Variants in CCDC85A observed in about 807,000 individuals in gnomAD.
CCDC85A encodes coiled-coil domain containing 85A, also known as coiled-coil domain-containing protein 85A.
CCDC85A carries 38 observed loss-of-function variants against 50.2 expected under a neutral mutation model. That is an observed-to-expected ratio of 0.76 (90% CI 0.58 to 0.99). The LOEUF is 0.99. CCDC85A is among the 50% of genes least tolerant of loss of function. The pLI is 0.00. For missense variants in CCDC85A, 820 were observed against 742.0 expected, an observed-to-expected ratio of 1.11 and a Z score of -1.22; for synonymous variants, 366 against 301.4, an observed-to-expected ratio of 1.21 and a Z score of -2.22.
intron 2 of CCDC85A, among the ~76,000 whole-genome samples, chr2:56,332,044 G>A (rs9309277): frequency 7.0e-4 from 107 of 152,156 alleles, no homozygotes; most frequent in African/African-American, 2.3e-3. Flanking sequence ...CTCCTGCTCC[G>A]TCAGTACCCC....
In CCDC85A at chr2:56,184,289, C is replaced by A. The variant is rs1325148642; in HGVS notation, c.-336C>A. On this transcript the variant is annotated 5_prime_UTR_variant, in exon 1 of 6. Transcript: ENST00000407595. Reference sequence around the variant, plus strand: ...GGCGGAGGAGAGGGCAGGGGAACGGCGGTGCAGCTCCCCCGCTGTCCCCGA... The same window carrying A: ...GGCGGAGGAGAGGGCAGGGGAACGGAGGTGCAGCTCCCCCGCTGTCCCCGA... 4 of 707,384 alleles carry A rather than the reference C, an allele frequency of 5.7e-6. No individual in the cohort carries two copies. The highest frequency in any genetic ancestry group is 1.9e-5 in the African/African-American group (1 of 52,864). 43.8% of individuals were successfully genotyped at this position (707,384 alleles called of 1,614,324 possible).
At position 56,345,130 on chromosome 2, in the gene CCDC85A, C is replaced by G. The variant is rs1674572374; in HGVS notation, c.1317+2175C>G. On this transcript the variant is annotated intron_variant, in intron 3 of 5. Transcript: ENST00000407595. ...AAACAACTACTCAATTTAAAGTGTT[C>G]AGTTATATCCTTTGAAATACATTAC... Among the ~76,000 whole-genome samples the G allele has an allele frequency of 2.0e-5, 3 of 152,090 alleles. No individual in the cohort carries two copies. In the South Asian group the frequency reaches 6.2e-4, roughly 31 times the overall value.
At position 56,293,075 on chromosome 2, in the gene CCDC85A, A is replaced by T. The variant is rs571273439; in HGVS notation, c.1241-49804A>T. ...GCTACCCCCAGCTGGAGAAGACCAGAGTCAGAGCTCATGCCCCCTGGGTAC... is the reference window on the plus strand; with the variant it reads ...GCTACCCCCAGCTGGAGAAGACCAGTGTCAGAGCTCATGCCCCCTGGGTAC... On this transcript the variant is annotated intron_variant, in intron 2 of 5. Transcript: ENST00000407595. 1.1e-4 allele frequency among the ~76,000 whole-genome samples: 17 copies of T among 152,308 alleles called. No homozygotes were observed. The East Asian group carries it at 3.3e-3, about 29-fold the overall frequency.
intron 2 of CCDC85A, among the ~76,000 whole-genome samples, chr2:56,263,524 C>T (rs1183513886): frequency 3.3e-5 from 5 of 152,148 alleles, no homozygotes; most frequent in Admixed American, 2.0e-4. Context: ...GAATGGCCTC[C>T]TCAGTTTGCA....
chr2:56,285,576 T>A (rs2104120768), intron 2 of CCDC85A, among the ~76,000 whole-genome samples: 1 of 147,310 alleles, frequency 6.8e-6, no homozygotes, highest in African/African-American at 2.5e-5. Flanking sequence ...TATAATATAA[T>A]TAATAATATA....
At chr2:56,355,522 G>A (rs944927079) in intron 3 of CCDC85A, among the ~76,000 whole-genome samples, 1 of 151,994 alleles carries the variant, frequency 6.6e-6, no homozygotes, top group Non-Finnish European at 1.5e-5. Flanking sequence ...CCAAAATAAT[G>A]AAGCCCTCTT....
rs770275487 is a variant in CCDC85A, at chr2:56,193,226, C to T, written c.1026C>T (p.His342=). ...SGGSPEHLQK[H]ALGGSLEHLP... is the part of the protein sequence containing the mutation. The stretch of plus-strand genomic sequence containing the variant: ...GGAGCCCGGAGCATCTTCAGAAACA[C>T]GCTCTTGGGGGGAGCCTAGAGCATC... The change falls in exon 2 of 6, where the codon CAC becomes CAT. Residue 342 remains histidine, a synonymous_variant. Coordinates refer to ENST00000407595, the MANE Select transcript of CCDC85A (RefSeq NM_001080433.2). 1 of 1,613,672 alleles carries T rather than the reference C, an allele frequency of 6.2e-7. No individual in the cohort carries two copies. Among genetic ancestry groups the T allele is most frequent in the South Asian group, 1.1e-5 (1 of 91,056 alleles).
At chr2:56,227,668 A>G (rs1573057681) in intron 2 of CCDC85A, among the ~76,000 whole-genome samples, 1 of 152,118 alleles carries the variant, frequency 6.6e-6, no homozygotes, top group South Asian at 2.1e-4. Flanking sequence ...TTCTCCAGGA[A>G]GCCTTCCTGG....
At chr2:56,250,652 A>G (rs1669713308) in intron 2 of CCDC85A, among the ~76,000 whole-genome samples, 1 of 152,136 alleles carries the variant, frequency 6.6e-6, no homozygotes, top group Non-Finnish European at 1.5e-5. Context: ...GAAATGACAT[A>G]TTATAGGAAG....
rs1674745286 is a variant in CCDC85A, at chr2:56,348,554, C to T, written c.1317+5599C>T. Among the ~76,000 whole-genome samples, 3 of 152,294 alleles carry T rather than the reference C, an allele frequency of 2.0e-5. No homozygotes were observed. The South Asian group carries it at 6.2e-4, about 32-fold the overall frequency. On this transcript the variant is annotated intron_variant, in intron 3 of 5. Coordinates refer to ENST00000407595, the MANE Select transcript of CCDC85A (RefSeq NM_001080433.2). ...GGCCTTGCAATGCAGTCTTTCAGTG[C>T]CTTGGCAAGAGGCAAGGTGGTTGCC...
intron 2 of CCDC85A, among the ~76,000 whole-genome samples, chr2:56,254,947 C>A (rs1017866621): frequency 4.6e-5 from 7 of 152,208 alleles, no homozygotes. Context: ...CTTAGCATCA[C>A]AAAGGTTTGC....
chr2:56,254,586 G>T (rs944130977), intron 2 of CCDC85A, among the ~76,000 whole-genome samples: 1 of 152,162 alleles, frequency 6.6e-6, no homozygotes, highest in Non-Finnish European at 1.5e-5. Context: ...TCTAGACTGG[G>T]TTTTAATGGT....
chr2:56,331,139 T>A (rs1200311398), intron 2 of CCDC85A, among the ~76,000 whole-genome samples: 1 of 151,556 alleles, frequency 6.6e-6, no homozygotes, highest in Non-Finnish European at 1.5e-5. Flanking sequence ...GAAAGGGAAA[T>A]ACTACATGTT....
intron 2 of CCDC85A, among the ~76,000 whole-genome samples, chr2:56,236,063 G>T (rs1371796345): frequency 6.6e-6 from 1 of 152,202 alleles, no homozygotes. Context: ...AACGAGTGAT[G>T]CTAGAAAAAA....
At chr2:56,368,883 G>C (rs1199798437) in intron 3 of CCDC85A, among the ~76,000 whole-genome samples, 3 of 151,692 alleles carry the variant, frequency 2.0e-5, no homozygotes, top group African/African-American at 7.3e-5. Context: ...CAGTATATTT[G>C]TTTTCCATTT....
chr2:56,320,038 A>C (rs576770470), intron 2 of CCDC85A, among the ~76,000 whole-genome samples: 1 of 152,172 alleles, frequency 6.6e-6, no homozygotes, highest in Non-Finnish European at 1.5e-5. Context: ...CTGAATGACT[A>C]CTGGGTACAT....
chr2:56,357,377 G>C (rs181082739), intron 3 of CCDC85A, among the ~76,000 whole-genome samples: 68 of 152,274 alleles, frequency 4.5e-4, no homozygotes, highest in African/African-American at 1.6e-3. Context: ...CTAGATAGAA[G>C]TATTTTGGGG....
chr2:56,296,256 A>G (rs1486316805), intron 2 of CCDC85A, among the ~76,000 whole-genome samples: 1 of 152,132 alleles, frequency 6.6e-6, no homozygotes, highest in Non-Finnish European at 1.5e-5. Flanking sequence ...CCTGTGGTAA[A>G]GGTGTATCCC....
At chr2:56,240,463 T>A (rs1161628283) in intron 2 of CCDC85A, among the ~76,000 whole-genome samples, 1 of 152,280 alleles carries the variant, frequency 6.6e-6, no homozygotes, top group Non-Finnish European at 1.5e-5. Context: ...GTGCTTTCAT[T>A]ATTTCATTTT....
Sources: allele counts gnomAD v4.1 joint callset (sites outside exome capture counted in the v4.1 genomes callset), GRCh38; gene constraint gnomAD v4.1.1; transcripts MANE v1.5; gene names NCBI Gene and HGNC (gene_info 2026-07-23, HGNC 2026-07-21).